Variants in UHRF2 observed in about 807,000 individuals in gnomAD.
UHRF2 encodes ubiquitin like with PHD and ring finger domains 2.
A neutral mutation model predicts 96.8 loss-of-function variants in UHRF2; 23 were observed. That is an observed-to-expected ratio of 0.24 (90% CI 0.17 to 0.34). UHRF2 has a LOEUF of 0.34. Ranked by LOEUF, UHRF2 falls within the 10% of genes least tolerant of loss-of-function variation. The pLI, the probability that UHRF2 is intolerant of heterozygous loss-of-function variation, is 1.00. For synonymous variants in UHRF2, 385 were observed against 332.6 expected (o/e 1.16, Z -1.72); for missense variants, 685 against 981.5 (o/e 0.70, Z 4.04).
chr9:6,457,717 G>C (rs1278167599), intron 3 of UHRF2, among the ~76,000 whole-genome samples: 1 of 152,154 alleles, frequency 6.6e-6, no homozygotes, highest in Non-Finnish European at 1.5e-5. Context: ...TTAGCATGAA[G>C]GGGTTGAATT....
At chr9:6,451,945 A>AT (rs1821897357) in intron 3 of UHRF2, among the ~76,000 whole-genome samples, 1 of 151,986 alleles carries the variant, frequency 6.6e-6, no homozygotes, top group Non-Finnish European at 1.5e-5. Flanking sequence ...AGTTTGGTTT[A>AT]CGCTTCTGTT....
rs372041814 is a variant in UHRF2 at position 6,481,941 on chromosome 9, C to T, written c.1285-51C>T. ...GTCACATCTCAGAATTAAGGGCTTT[C>T]ATTAAAATTTAACATAACTGATTTC... On this transcript the variant is annotated intron_variant, in intron 7 of 15. Coordinates refer to ENST00000276893, the MANE Select transcript of UHRF2 (RefSeq NM_152896.3). 4 of 1,591,462 alleles carry T rather than the reference C, an allele frequency of 2.5e-6. No individual in the cohort carries two copies. The African/African-American group carries it at 5.4e-5, about 21-fold the overall frequency.
chr9:6,425,586 C>T (rs1820209607), intron 2 of UHRF2, among the ~76,000 whole-genome samples: 1 of 151,684 alleles, frequency 6.6e-6, no homozygotes, highest in South Asian at 2.1e-4. Context: ...GAAACCCCAT[C>T]TCTGCCGAAA....
intron 1 of UHRF2, among the ~76,000 whole-genome samples, chr9:6,420,546 CA>C (rs1022119986): frequency 8.0e-5 from 12 of 149,626 alleles, no homozygotes; most frequent in Non-Finnish European, 1.2e-4. Context: ...ACTAAAAATA[CA>C]AAAAAAAATT....
chr9:6,436,857 T>A (rs969696447), intron 3 of UHRF2, among the ~76,000 whole-genome samples: 2 of 152,172 alleles, frequency 1.3e-5, no homozygotes, highest in African/African-American at 4.8e-5. Context: ...CCTAAATAAT[T>A]TTACGTGATG....
intron 2 of UHRF2, among the ~76,000 whole-genome samples, chr9:6,424,898 G>C (rs1820157375): frequency 6.6e-6 from 1 of 151,882 alleles, no homozygotes; most frequent in Non-Finnish European, 1.5e-5. Flanking sequence ...GTTTTGGGGA[G>C]GAAGACCGCA....
intron 8 of UHRF2, among the ~76,000 whole-genome samples, chr9:6,486,427 G>C (rs560542970): frequency 4.4e-4 from 67 of 152,344 alleles, no homozygotes; most frequent in African/African-American, 1.5e-3. Context: ...GTAGGCAACA[G>C]GGCCACTATC....
chr9:6,467,754 C>G (rs554444303), intron 4 of UHRF2, among the ~76,000 whole-genome samples: 1 of 152,160 alleles, frequency 6.6e-6, no homozygotes, highest in African/African-American at 2.4e-5. Context: ...CTTAAATACT[C>G]TGCTTGAGCC....
At chr9:6,414,818 C>T (rs917027673) in intron 1 of UHRF2, among the ~76,000 whole-genome samples, 5 of 151,960 alleles carry the variant, frequency 3.3e-5, no homozygotes, top group Non-Finnish European at 7.4e-5. Flanking sequence ...CTTTTTTTTC[C>T]CCTTTCCTTC....
intron 6 of UHRF2, 131 bp from the exon 7 acceptor site, chr9:6,481,512 C>T (rs1236469698): frequency 2.0e-6 from 2 of 975,720 alleles, no homozygotes; most frequent in East Asian, 2.5e-5. Context: ...ATTTTAATGC[C>T]AGTTAAAGCT....
intron 6 of UHRF2, 81 bp downstream of exon 6, chr9:6,477,889 C>T: frequency 7.9e-7 from 1 of 1,266,908 alleles, no homozygotes; most frequent in Non-Finnish European, 1.1e-6. Context: ...AAGTAGATTT[C>T]TAAAGATACA....
intron 3 of UHRF2, among the ~76,000 whole-genome samples, chr9:6,445,396 G>A (rs1821427072): frequency 6.6e-6 from 1 of 151,854 alleles, no homozygotes; most frequent in South Asian, 2.1e-4. Context: ...CCTGAGTAAC[G>A]GATTACAGGG....
chr9:6,498,168 C>A lies in UHRF2; in HGVS notation c.1908+10C>A. The stretch of plus-strand genomic sequence containing the variant: ...ATGTCTACGTTTACAGGTTAGATTA[C>A]ATTTGTCTAGGCTGCCTGTGTGTTC... On this transcript the variant is annotated intron_variant, in intron 12 of 15. Transcript: ENST00000276893. 1.2e-6 allele frequency: 2 copies of A among 1,612,090 alleles called. No individual in the cohort carries two copies. The highest frequency in any genetic ancestry group is 1.7e-6 in the Non-Finnish European group (2 of 1,179,296).
Position 6,506,241 on chromosome 9 carries a change from G to C in UHRF2, c.*62G>C. Reference sequence around the variant, plus strand: ...TTGGACAATAAAGAATCTAAAATGGGTGGGGAGGGTGGAAGAAATGGTGGA... The same window carrying C: ...TTGGACAATAAAGAATCTAAAATGGCTGGGGAGGGTGGAAGAAATGGTGGA... On this transcript the variant is annotated 3_prime_UTR_variant, in exon 16 of 16. Transcript: ENST00000276893. 6.3e-6 allele frequency: 10 copies of C among 1,587,620 alleles called. No individual in the cohort carries two copies. The highest frequency in any genetic ancestry group is 8.6e-6 in the Non-Finnish European group (10 of 1,164,976).
chr9:6,422,187 A>T (rs962901152), intron 2 of UHRF2, among the ~76,000 whole-genome samples: 2 of 152,098 alleles, frequency 1.3e-5, no homozygotes, highest in African/African-American at 4.8e-5. Context: ...CTGTGTTCCT[A>T]TTCTCTTGCC....
intron 3 of UHRF2, among the ~76,000 whole-genome samples, chr9:6,456,571 C>T (rs963449159): frequency 3.3e-5 from 5 of 152,118 alleles, no homozygotes; most frequent in African/African-American, 4.8e-5. Flanking sequence ...CTTCTGTTGC[C>T]GTTGCTTTTG....
chr9:6,503,128 G>A (rs1816387626), intron 14 of UHRF2, among the ~76,000 whole-genome samples: 1 of 152,066 alleles, frequency 6.6e-6, no homozygotes, highest in Admixed American at 6.6e-5. Context: ...CCAAGTAGCT[G>A]GGATTGCAGG....
At chr9:6,413,912 G>T in intron 1 of UHRF2, 1 of 337,056 alleles carries the variant, frequency 3.0e-6, no homozygotes, top group Non-Finnish European at 5.3e-6. Context: ...TTTGTATTTG[G>T]TAGGACAGCG....
intron 3 of UHRF2, among the ~76,000 whole-genome samples, chr9:6,456,734 T>A (rs1236944529): frequency 3.3e-5 from 5 of 152,188 alleles, no homozygotes; most frequent in Non-Finnish European, 5.9e-5. Context: ...AGGGTCCAGT[T>A]TCAGTTTTCT....
Sources: gnomAD v4.1 joint callset for allele counts (sites outside exome capture counted in the v4.1 genomes callset) on GRCh38, gnomAD v4.1.1 for gene constraint, MANE v1.5 for transcripts, NCBI Gene and HGNC (gene_info 2026-07-23, HGNC 2026-07-21) for gene names.